Variants in JAK1 observed in about 807,000 individuals in gnomAD.
JAK1 encodes Janus kinase 1.
A neutral mutation model predicts 136.6 loss-of-function variants in JAK1; 16 were observed. That is an observed-to-expected ratio of 0.12 (90% CI 0.08 to 0.18). JAK1 has a LOEUF of 0.18. Ranked by LOEUF, JAK1 falls within the 10% of genes least tolerant of loss-of-function variation. The pLI, the probability that JAK1 is intolerant of heterozygous loss-of-function variation, is 1.00. For synonymous variants in JAK1, 492 were observed against 519.5 expected, an observed-to-expected ratio of 0.95 and a Z score of 0.72; for missense variants, 859 against 1,450.1, an observed-to-expected ratio of 0.59 and a Z score of 6.62.
chr1:64,876,155 G>T (rs931099493), intron 4 of JAK1: 2 of 152,166 alleles, frequency 1.3e-5, no homozygotes, highest in African/African-American at 4.8e-5. Flanking sequence ...AGAGAGACAG[G>T]TCACCCTCCA....
At chr1:65,059,499 T>C (rs1386971269) in intron 1 of JAK1, among the ~76,000 whole-genome samples, 1 of 152,212 alleles carries the variant, frequency 6.6e-6, no homozygotes, top group African/African-American at 2.4e-5. Flanking sequence ...CTATAGTTTA[T>C]GTCAATTCTA....
Position 64,834,663 on chromosome 1 carries a change from A to AAAAG in JAK1, c.3370-10_3370-7dup. 6.3e-7 allele frequency: 1 copy of AAAAG among 1,575,276 alleles called. No individual in the cohort carries two copies. Among genetic ancestry groups the AAAAG allele is most frequent in the Non-Finnish European group, 8.7e-7 (1 of 1,146,024 alleles). On this transcript the variant is annotated splice_region_variant and splice_polypyrimidine_tract_variant and intron_variant, in intron 24 of 24. Transcript: ENST00000342505. ...TTCCTCATAAGTTGATAAACCTGTA[A>AAAAG]AAAGAAAGAAGTAACAACAGTAAAA...
At chr1:65,034,192 A>AGGAAATT (rs1368662836) in intron 2 of JAK1, among the ~76,000 whole-genome samples, 1 of 152,226 alleles carries the variant, frequency 6.6e-6, no homozygotes, top group Non-Finnish European at 1.5e-5. Context: ...GATAACTACA[A>AGGAAATT]GGAAATTAAC....
chr1:64,895,649 T>C (rs960586445), intron 1 of JAK1, among the ~76,000 whole-genome samples: 7 of 152,204 alleles, frequency 4.6e-5, no homozygotes, highest in African/African-American at 1.7e-4. Flanking sequence ...ACAACGCATA[T>C]GCACAGTCTT....
At chr1:65,014,583 A>G (rs759976883) in intron 2 of JAK1, among the ~76,000 whole-genome samples, 4 of 152,176 alleles carry the variant, frequency 2.6e-5, no homozygotes, top group Non-Finnish European at 4.4e-5. Flanking sequence ...AATGGCAGTG[A>G]GATGGACCAC....
chr1:64,835,383 GGCCCATAGA>G lies in JAK1; in HGVS notation c.3369+4_3369+12del, dbSNP rs1654415401. ...AAATGGAGTGTTATTACTGTGACGT[GGCCCATAGA>G]TACCTCATCTGGACAGTTAGGTGGG... On this transcript the variant is annotated splice_donor_5th_base_variant and intron_variant, in intron 24 of 24. Transcript: ENST00000342505. 1.4e-6 allele frequency: 2 copies of G among 1,386,634 alleles called. No individual in the cohort carries two copies. Among genetic ancestry groups the G allele is most frequent in the African/African-American group, 2.9e-5 (2 of 68,502 alleles). 85.9% of individuals were successfully genotyped at this position (1,386,634 alleles called of 1,614,324 possible).
intron 1 of JAK1, among the ~76,000 whole-genome samples, chr1:64,913,719 G>GGGAA (rs1279707991): frequency 7.8e-6 from 1 of 128,890 alleles, no homozygotes; most frequent in Non-Finnish European, 1.7e-5. Context: ...GAGGGAGGGA[G>GGGAA]GGAGGGAGGG....
At chr1:64,979,153 T>A (rs1317834013) in intron 2 of JAK1, among the ~76,000 whole-genome samples, 1 of 152,200 alleles carries the variant, frequency 6.6e-6, no homozygotes, top group African/African-American at 2.4e-5. Context: ...CCCAGCACTT[T>A]GGGAGGCCAA....
intron 1 of JAK1, among the ~76,000 whole-genome samples, chr1:65,058,994 C>A (rs1470456022): frequency 6.6e-6 from 1 of 152,084 alleles, no homozygotes; most frequent in African/African-American, 2.4e-5. Flanking sequence ...GACAATAATA[C>A]TTCATATCTG....
chr1:65,010,295 C>T (rs565841983), intron 2 of JAK1, among the ~76,000 whole-genome samples: 1 of 152,314 alleles, frequency 6.6e-6, no homozygotes, highest in South Asian at 2.1e-4. Flanking sequence ...CTTGCGCTCT[C>T]TCTCGCACGC....
chr1:64,874,687 G>T lies in JAK1; in HGVS notation c.330-1164C>A, dbSNP rs74080778. On this transcript the variant is annotated intron_variant, in intron 4 of 24. Coordinates refer to ENST00000342505, the MANE Select transcript of JAK1 (RefSeq NM_002227.4). ...GGCTACAGACTCAGCTGCTACCTAG[G>T]TCTCTTTCCCTTGACTTGCCCATGA... Among the ~76,000 whole-genome samples the T allele has an allele frequency of 4.5e-4, 69 of 152,222 alleles. 1 individual carries two copies. In the East Asian group the frequency reaches 0.013, roughly 28 times the overall value.
intron 1 of JAK1, among the ~76,000 whole-genome samples, chr1:64,921,024 T>C (rs757597452): frequency 6.6e-6 from 1 of 152,216 alleles, no homozygotes; most frequent in African/African-American, 2.4e-5. Context: ...CCAGTGACTT[T>C]TAACCTGAAA....
In JAK1 at chr1:64,855,616, C is replaced by A. The variant is rs769801111; in HGVS notation, c.1541G>T (p.Arg514Leu). ...GAGGTCTCCCAAGCTGGGGAAGCTG[C>A]GGTCCGAACCGTGCAGACTGTAGCG... ...KGRYSLHGSD[R>L]SFPSLGDLMS... Residue 514 changes from arginine to leucine, a missense_variant, in exon 11 of 25, where the codon CGC (arginine) becomes CTC (leucine). Coordinates refer to ENST00000342505, the MANE Select transcript of JAK1 (RefSeq NM_002227.4). The A allele has an allele frequency of 2.7e-5, 44 of 1,614,106 alleles. No individual in the cohort carries two copies. The highest frequency in any genetic ancestry group is 3.7e-5 in the Non-Finnish European group (44 of 1,180,006).
chr1:64,904,570 T>C (rs1038450695), intron 1 of JAK1, among the ~76,000 whole-genome samples: 14 of 152,176 alleles, frequency 9.2e-5, no homozygotes, highest in Admixed American at 3.9e-4. Context: ...GGAATATACA[T>C]TTGGAAAAGT....
chr1:64,850,071 G>T (rs2101026380), intron 12 of JAK1, among the ~76,000 whole-genome samples: 1 of 152,246 alleles, frequency 6.6e-6, no homozygotes, highest in South Asian at 2.1e-4. Context: ...CACCTCCAAG[G>T]CGCTGCCATC....
chr1:65,060,915 T>TACAG (rs1647763884), intron 1 of JAK1, among the ~76,000 whole-genome samples: 1 of 152,202 alleles, frequency 6.6e-6, no homozygotes, highest in East Asian at 1.9e-4. Flanking sequence ...GTACTCATGC[T>TACAG]ACAGTAAGAA....
At chr1:64,956,422 A>G (rs982684273) in intron 1 of JAK1, among the ~76,000 whole-genome samples, 1 of 152,222 alleles carries the variant, frequency 6.6e-6, no homozygotes, top group African/African-American at 2.4e-5. Flanking sequence ...TCTGCCTAGT[A>G]CATTTTTCTT....
At chr1:64,935,552 C>T (rs1461836393) in intron 1 of JAK1, among the ~76,000 whole-genome samples, 5 of 152,212 alleles carry the variant, frequency 3.3e-5, no homozygotes, top group Non-Finnish European at 5.9e-5. Context: ...CTGCCTGCCT[C>T]GGCCTCCCAA....
intron 5 of JAK1, among the ~76,000 whole-genome samples, chr1:64,869,991 C>T (rs1656976800): frequency 6.6e-6 from 1 of 151,870 alleles, no homozygotes; most frequent in Non-Finnish European, 1.5e-5. Flanking sequence ...TTCGAGTTTC[C>T]CATAGTGAAA....
Sources: gnomAD v4.1 joint callset for allele counts (sites outside exome capture counted in the v4.1 genomes callset) on GRCh38, gnomAD v4.1.1 for gene constraint, MANE v1.5 for transcripts, NCBI Gene and HGNC (gene_info 2026-07-23, HGNC 2026-07-21) for gene names.